MAPRE2: variants seen among roughly 807,000 people sequenced by gnomAD.
MAPRE2 encodes microtubule associated protein RP/EB family member 2, also known as microtubule-associated protein RP/EB family member 2.
MAPRE2 carries 13 observed loss-of-function variants against 43.2 expected under a neutral mutation model. The ratio of observed to expected loss-of-function variants is 0.30; its 90% confidence interval spans 0.20 to 0.48. The LOEUF is 0.48. Ranked by LOEUF, MAPRE2 falls within the 20% of genes least tolerant of loss-of-function variation. The pLI, the probability that MAPRE2 is intolerant of heterozygous loss-of-function variation, is 0.99. For missense variants in MAPRE2, 161 were observed against 400.2 expected, an observed-to-expected ratio of 0.40 and a Z score of 5.10; for synonymous variants, 135 against 148.8, an observed-to-expected ratio of 0.91 and a Z score of 0.68.
intron 2 of MAPRE2, among the ~76,000 whole-genome samples, chr18:35,021,984 G>C (rs2097042206): frequency 6.6e-6 from 1 of 152,138 alleles, no homozygotes. Context: ...GTGATCACCT[G>C]AATGTTATAG....
chr18:35,140,254 C>T, intron 6 of MAPRE2, 41 bp from the exon 7 acceptor site: 1 of 1,578,328 alleles, frequency 6.3e-7, no homozygotes, highest in Non-Finnish European at 8.7e-7. Flanking sequence ...GGCCCCATTC[C>T]CAGTCAATTA....
At chr18:35,039,392 G>A (rs1295488380), upstream of MAPRE2, among the ~76,000 whole-genome samples, 5 of 152,162 alleles carry the variant, frequency 3.3e-5, no homozygotes, top group East Asian at 9.6e-4. Context: ...AGCTTGGTGT[G>A]TATCTTTGAT....
At chr18:34,994,481 G>C (rs1255815413) in intron 1 of MAPRE2, among the ~76,000 whole-genome samples, 1 of 151,622 alleles carries the variant, frequency 6.6e-6, no homozygotes, top group Non-Finnish European at 1.5e-5. Flanking sequence ...TATTACAGAA[G>C]AGGCAGCAAA....
chr18:35,111,949 C>T (rs901819969), intron 4 of MAPRE2, among the ~76,000 whole-genome samples: 2 of 152,150 alleles, frequency 1.3e-5, no homozygotes, highest in Non-Finnish European at 2.9e-5. Context: ...CCAGTAGATG[C>T]CTACTTGATA....
chr18:35,102,542 C>T (rs1908725864), intron 4 of MAPRE2, among the ~76,000 whole-genome samples: 1 of 152,096 alleles, frequency 6.6e-6, no homozygotes, highest in South Asian at 2.1e-4. Context: ...ATGAACTGAA[C>T]TCTGTTGTTA....
intron 2 of MAPRE2, among the ~76,000 whole-genome samples, chr18:35,083,964 G>A (rs1180575954): frequency 6.6e-6 from 1 of 152,116 alleles, no homozygotes; most frequent in Non-Finnish European, 1.5e-5. Context: ...CTATGAAGAA[G>A]CACTTTTAAA....
chr18:35,108,821 G>T (rs1268503714), intron 4 of MAPRE2, among the ~76,000 whole-genome samples: 1 of 151,542 alleles, frequency 6.6e-6, no homozygotes, highest in Non-Finnish European at 1.5e-5. Flanking sequence ...TTCTAATGGG[G>T]TTTTTTCTTT....
intron 1 of MAPRE2, among the ~76,000 whole-genome samples, chr18:35,054,481 T>G (rs961935816): frequency 6.6e-6 from 1 of 152,236 alleles, no homozygotes; most frequent in Non-Finnish European, 1.5e-5. Context: ...GAATTTCAGG[T>G]GAGTCGCTGC....
At chr18:35,025,517 A>G (rs985962841) in intron 2 of MAPRE2, among the ~76,000 whole-genome samples, 2 of 152,230 alleles carry the variant, frequency 1.3e-5, no homozygotes, top group African/African-American at 4.8e-5. Context: ...GATTGTAATT[A>G]AAGCAGTTAT....
intron 5 of MAPRE2, among the ~76,000 whole-genome samples, chr18:35,131,314 C>G (rs1229176828): frequency 6.6e-6 from 1 of 152,198 alleles, no homozygotes; most frequent in African/African-American, 2.4e-5. Flanking sequence ...CTCCCATTCT[C>G]CATTTCCTGC....
chr18:34,999,785 A>AT (rs768163105), intron 1 of MAPRE2, among the ~76,000 whole-genome samples: 18 of 152,136 alleles, frequency 1.2e-4, no homozygotes, highest in Non-Finnish European at 2.6e-4. Context: ...TACTTGCCAG[A>AT]TACGCTCATT....
intron 1 of MAPRE2, among the ~76,000 whole-genome samples, chr18:35,047,772 G>T (rs1270573095): frequency 1.3e-5 from 2 of 149,614 alleles, no homozygotes; most frequent in Non-Finnish European, 3.0e-5. Flanking sequence ...AGTGAATTAA[G>T]ATTTTACTCA....
At chr18:35,071,222 A>T (rs1391291085) in intron 2 of MAPRE2, among the ~76,000 whole-genome samples, 1 of 152,212 alleles carries the variant, frequency 6.6e-6, no homozygotes, top group African/African-American at 2.4e-5. Context: ...TGTTTTAAAA[A>T]ACGTGCTGCT....
At chr18:35,111,698 C>T (rs72957959) in intron 4 of MAPRE2, among the ~76,000 whole-genome samples, 2,504 of 152,276 alleles carry the variant, frequency 0.016, 47 homozygotes, top group Non-Finnish European at 0.021. Flanking sequence ...TGCAAGACTT[C>T]GTTTTCCTTA....
intron 2 of MAPRE2, among the ~76,000 whole-genome samples, chr18:35,014,938 G>A (rs969271117): frequency 6.6e-6 from 1 of 152,052 alleles, no homozygotes; most frequent in African/African-American, 2.4e-5. Flanking sequence ...TTAAGTAACA[G>A]TCATTTTTGC....
At position 35,141,659 on chromosome 18, in the gene MAPRE2, TTTTTTCTTTA is replaced by T. The variant is rs1222707444; in HGVS notation, c.*1296_*1305del. On this transcript the variant is annotated 3_prime_UTR_variant, in exon 7 of 7. Transcript: ENST00000300249. ...GTCTCTTTCCAAGTCTTTGCCTCTTTTTTTTCTTTATTTTTATTTTTTCCTTTGACAGATG... is the reference window on the plus strand; with the variant it reads ...GTCTCTTTCCAAGTCTTTGCCTCTTTTTTTTATTTTTTCCTTTGACAGATG... The T allele has an allele frequency of 6.6e-6, 1 of 150,992 alleles. No homozygotes were observed. Among genetic ancestry groups the T allele is most frequent in the African/African-American group, 2.5e-5 (1 of 40,746 alleles). The allele number at this position is 150,992 out of a possible 1,614,324, so 9.4% of individuals were successfully genotyped here. A position where few individuals can be genotyped will look rare whatever the true frequency, so the allele number is the denominator to read the frequency against.
chr18:35,056,012 G>A (rs559308301), intron 1 of MAPRE2, among the ~76,000 whole-genome samples: 42 of 151,646 alleles, frequency 2.8e-4, no homozygotes, highest in African/African-American at 9.7e-4. Context: ...ATAACTGGGT[G>A]ATGGAACAGT....
In MAPRE2 at chr18:34,998,609, G is replaced by A. The variant is rs578008077; in HGVS notation, c.-69-6883G>A. ...CCCAAAGTGCTGGGATTACAGGCATGAGCCACCGTGCCTGGCCTAATTTTT... is the reference window on the plus strand; with the variant it reads ...CCCAAAGTGCTGGGATTACAGGCATAAGCCACCGTGCCTGGCCTAATTTTT... On this transcript the variant is annotated intron_variant, in intron 1 of 7. Coordinates refer to the MAPRE2 transcript ENST00000413393. Among the ~76,000 whole-genome samples the A allele has an allele frequency of 2.0e-5, 3 of 151,784 alleles. No individual in the cohort carries two copies. In the East Asian group the frequency reaches 5.8e-4, roughly 30 times the overall value.
upstream of MAPRE2, among the ~76,000 whole-genome samples, chr18:35,040,073 T>G (rs769588885): frequency 6.6e-6 from 1 of 152,138 alleles, no homozygotes; most frequent in Admixed American, 6.5e-5. Context: ...TGTGGCGGCG[T>G]GCGCCTGTTA....
Sources: gnomAD v4.1 joint callset for allele counts (sites outside exome capture counted in the v4.1 genomes callset) on GRCh38, gnomAD v4.1.1 for gene constraint, MANE v1.5 for transcripts, NCBI Gene and HGNC (gene_info 2026-07-23, HGNC 2026-07-21) for gene names.